The following PCLO variants were observed in gnomAD, a reference collection of about 807,000 sequenced individuals.
PCLO encodes the protein protein piccolo.
PCLO carries 82 observed loss-of-function variants against 427.5 expected under a neutral mutation model. The ratio of observed to expected loss-of-function variants is 0.19; its 90% CI spans 0.16 to 0.23. The LOEUF (loss-of-function observed/expected upper bound fraction) is 0.23. Ranked by LOEUF, PCLO falls within the 10% of genes least tolerant of loss-of-function variation. PCLO has a pLI of 1.00. For missense variants in PCLO, 6,239 were observed against 6,115.9 expected, an observed-to-expected ratio of 1.02 and a Z score of -0.67; for synonymous variants, 2,357 against 2,155.4, an observed-to-expected ratio of 1.09 and a Z score of -2.59.
chr7:82,941,496 G>T (rs192291885), intron 6 of PCLO, among the ~76,000 whole-genome samples: 1 of 152,206 alleles, frequency 6.6e-6, no homozygotes, highest in African/African-American at 2.4e-5. Flanking sequence ...GGTGTGCAAA[G>T]GACACTGATG....
intron 3 of PCLO, among the ~76,000 whole-genome samples, chr7:83,006,607 T>G (rs1347039535): frequency 6.6e-6 from 1 of 151,512 alleles, no homozygotes; most frequent in Non-Finnish European, 1.5e-5. Flanking sequence ...AGTATTATTT[T>G]TATTCAACAT....
intron 3 of PCLO, among the ~76,000 whole-genome samples, chr7:83,111,338 T>C (rs1790997356): frequency 6.6e-6 from 1 of 152,224 alleles, no homozygotes; most frequent in South Asian, 2.1e-4. Context: ...TATGGGATAT[T>C]ACTCCACAAT....
chr7:82,902,609 C>T (rs746919717), intron 9 of PCLO, 42 bp downstream of exon 9: 4 of 1,205,928 alleles, frequency 3.3e-6, no homozygotes, highest in Non-Finnish European at 2.4e-6. Flanking sequence ...CAAAACAAAA[C>T]AAAAAAACAA....
chr7:83,122,472 G>C (rs528329465), intron 3 of PCLO, among the ~76,000 whole-genome samples: 1 of 152,036 alleles, frequency 6.6e-6, no homozygotes, highest in Admixed American at 6.6e-5. Flanking sequence ...TTTTAGTAGA[G>C]AGAGTGTTTC....
intron 3 of PCLO, among the ~76,000 whole-genome samples, chr7:83,083,549 C>T (rs1790157345): frequency 6.6e-6 from 1 of 151,926 alleles, no homozygotes; most frequent in African/African-American, 2.4e-5. Context: ...TCTCTGTTAA[C>T]CTTTACTTCT....
At position 82,760,635 on chromosome 7, in the gene PCLO, C is replaced by A; in HGVS notation, c.15288+4G>T. On this transcript the variant is annotated splice_donor_region_variant and intron_variant, in intron 24 of 24. Coordinates refer to ENST00000333891, the MANE Select transcript of PCLO (RefSeq NM_033026.6). ...CAAATATGAACTACATAATACAGAG[C>A]TACCTGAAGAGAATGTCCTGCAGGA... 1.3e-6 allele frequency: 2 copies of A among 1,575,010 alleles called. No homozygotes were observed. The highest frequency in any genetic ancestry group is 2.3e-5 in the East Asian group (1 of 44,250).
At chr7:82,799,238 A>T (rs114144610) in intron 22 of PCLO, among the ~76,000 whole-genome samples, 305 of 152,330 alleles carry the variant, frequency 2.0e-3, no homozygotes, top group African/African-American at 7.1e-3. Context: ...AATTGTATAG[A>T]TGATCATATT....
At position 83,021,334 on chromosome 7, in the gene PCLO, G is replaced by A. The variant is rs539453196; in HGVS notation, c.3301-54847C>T. On this transcript the variant is annotated intron_variant, in intron 3 of 24. Coordinates refer to ENST00000333891, the MANE Select transcript of PCLO (RefSeq NM_033026.6). ...GTGCAGCAGGCATTATGAACCTAGC[G>A]GTCCTACAATATCAGAGTGTGAAAC... 2.3e-4 allele frequency among the ~76,000 whole-genome samples: 35 copies of A among 152,184 alleles called. 1 individual carries two copies. In the South Asian group the frequency reaches 6.6e-3, roughly 29 times the overall value.
intron 22 of PCLO, among the ~76,000 whole-genome samples, chr7:82,769,833 C>G (rs1790611549): frequency 6.6e-6 from 1 of 152,078 alleles, no homozygotes; most frequent in Non-Finnish European, 1.5e-5. Context: ...CAGTCTATCA[C>G]CTCATAATTT....
At chr7:82,991,129 G>A (rs1002602912) in intron 3 of PCLO, among the ~76,000 whole-genome samples, 3 of 152,044 alleles carry the variant, frequency 2.0e-5, no homozygotes, top group Non-Finnish European at 2.9e-5. Flanking sequence ...ATCCAATGGG[G>A]ATAAAATGTC....
At chr7:82,906,849 TTAC>T (rs1379496041) in intron 8 of PCLO, among the ~76,000 whole-genome samples, 2 of 152,008 alleles carry the variant, frequency 1.3e-5, no homozygotes, top group African/African-American at 4.8e-5. Context: ...ATGTAAAAAA[TTAC>T]TTTTAGCAAG....
chr7:82,909,105 G>C (rs1794262569), intron 7 of PCLO, 92 bp from the exon 8 acceptor site: 1 of 1,244,238 alleles, frequency 8.0e-7, no homozygotes. Context: ...GCATGCACTA[G>C]GCTTGTTAAC....
At chr7:82,792,703 G>A (rs754406812) in intron 22 of PCLO, among the ~76,000 whole-genome samples, 18 of 151,846 alleles carry the variant, frequency 1.2e-4, no homozygotes, top group South Asian at 2.1e-4. Context: ...TTATTTTACC[G>A]AACTCATAGT....
In PCLO at chr7:82,822,663, A is replaced by G. The variant is rs1791824792; in HGVS notation, c.14623T>C (p.Ser4875Pro). 6.2e-7 allele frequency: 1 copy of G among 1,613,508 alleles called. No homozygotes were observed. The highest frequency in any genetic ancestry group is 1.3e-5 in the African/African-American group (1 of 74,900). Residue 4875 changes from serine (S) to proline (P), a missense_variant, in exon 20 of 25, where the codon TCC becomes CCC. By Grantham distance (74) the Ser-to-Pro change is moderately conservative. Transcript: ENST00000333891. ...KDMQVPTIEK[S>P]HSSPGSSKSS... ...TTTGAGCTACCAGGACTACTATGGG[A>G]TTTCTCAATGGTGGGAACCTGCATG...
At chr7:83,067,050 A>T (rs6945141) in intron 3 of PCLO, among the ~76,000 whole-genome samples, 85,038 of 152,084 alleles carry the variant, frequency 0.56, 25,092 homozygotes, top group African/African-American at 0.75. Context: ...AATATCATAT[A>T]AAATTATCTT....
intron 3 of PCLO, among the ~76,000 whole-genome samples, chr7:83,114,288 T>C (rs372394682): frequency 7.9e-5 from 12 of 152,224 alleles, no homozygotes; most frequent in African/African-American, 2.6e-4. Context: ...TGCGATGCTA[T>C]ATAAGAGGGC....
chr7:82,974,689 T>C (rs966997244), intron 3 of PCLO, among the ~76,000 whole-genome samples: 4 of 152,200 alleles, frequency 2.6e-5, no homozygotes, highest in Non-Finnish European at 5.9e-5. Flanking sequence ...ATATATCATT[T>C]ATGTTTTATG....
intron 3 of PCLO, among the ~76,000 whole-genome samples, chr7:83,061,852 A>G (rs563005793): frequency 6.6e-6 from 1 of 152,254 alleles, no homozygotes; most frequent in East Asian, 1.9e-4. Flanking sequence ...CTTTCAGGGG[A>G]CTTTGAATAC....
At position 82,953,891 on chromosome 7, in the gene PCLO, C is replaced by T; in HGVS notation, c.7062G>A (p.Glu2354=). The change falls in exon 5 of 25, where the codon GAG becomes GAA. Residue 2354 remains glutamate, a synonymous_variant. Transcript: ENST00000333891. The part of the protein sequence containing the change: ...PSSVIALPMK[E]QLSTTYFTSG... ...ATGTAAAGTATGTAGTTGAAAGCTG[C>T]TCTTTCATTGGAAGGGCTATTACAG... 1 of 1,613,870 alleles carries T rather than the reference C, an allele frequency of 6.2e-7. No individual in the cohort carries two copies.
Sources: allele counts gnomAD v4.1 joint callset (sites outside exome capture counted in the v4.1 genomes callset), GRCh38; gene constraint gnomAD v4.1.1; transcripts MANE v1.5; gene names NCBI Gene and HGNC (gene_info 2026-07-23, HGNC 2026-07-21).